Variants in DLGAP2 observed in about 807,000 individuals in gnomAD.
The protein encoded by DLGAP2 is disks large-associated protein 2.
DLGAP2 carries 26 observed loss-of-function variants against 100.3 expected under a neutral mutation model. The observed-to-expected ratio is 0.26, with a 90% CI of 0.19 to 0.36. DLGAP2 has a LOEUF of 0.36. Among genes scored for constraint, DLGAP2 ranks in the 10% least tolerant of loss-of-function variants. The pLI, the probability that DLGAP2 is intolerant of heterozygous loss-of-function variation, is 1.00. For synonymous variants in DLGAP2, 886 were observed against 630.1 expected (o/e 1.41, Z -6.08); for missense variants, 1,858 against 1,453.2 (o/e 1.28, Z -4.53).
intron 2 of DLGAP2, among the ~76,000 whole-genome samples, chr8:1,231,666 C>A (rs753649385): frequency 6.0e-4 from 92 of 152,164 alleles, no homozygotes; most frequent in Non-Finnish European, 2.4e-4. Flanking sequence ...AGAATGAAAT[C>A]GTGTTCTTTG....
At chr8:856,487 A>T (rs147253625) in intron 1 of DLGAP2, among the ~76,000 whole-genome samples, 105 of 152,292 alleles carry the variant, frequency 6.9e-4, no homozygotes, top group African/African-American at 2.5e-3. Flanking sequence ...GGCACCCAGC[A>T]GTGGAAAAAT....
chr8:996,422 C>T (rs1363491365), intron 2 of DLGAP2, among the ~76,000 whole-genome samples: 1 of 152,068 alleles, frequency 6.6e-6, no homozygotes, highest in Non-Finnish European at 1.5e-5. Context: ...GTGCTTTGAG[C>T]AAAGCAAAGG....
rs1304103952 is a variant in DLGAP2, at chr8:1,237,515, T to C, written c.74-21336T>C. Among the ~76,000 whole-genome samples the C allele has an allele frequency of 1.5e-3, 139 of 92,830 alleles. 1 individual carries two copies. In the East Asian group the frequency reaches 0.017, roughly 11 times the overall value. 60.9% of individuals were successfully genotyped at this position (92,830 alleles called of 152,430 possible). A position where few individuals can be genotyped will look rare whatever the true frequency, so the allele number is the denominator to read the frequency against. On this transcript the variant is annotated intron_variant, in intron 2 of 14. Coordinates refer to ENST00000637795, the MANE Select transcript of DLGAP2 (RefSeq NM_001346810.2). ...CACACATAGCGTCATGTCTAGTTGT[T>C]TCTCACACAGAGCATCGTGTCTAGT...
chr8:1,108,862 CG>C, intron 2 of DLGAP2, among the ~76,000 whole-genome samples: 1 of 103,360 alleles, frequency 9.7e-6, no homozygotes, highest in South Asian at 3.6e-4. Flanking sequence ...GAGGTGTGCA[CG>C]GGTCTGTGAG....
At chr8:1,487,066 G>C (rs900196855) in intron 3 of DLGAP2, among the ~76,000 whole-genome samples, 1 of 152,176 alleles carries the variant, frequency 6.6e-6, no homozygotes, top group Non-Finnish European at 1.5e-5. Flanking sequence ...TCTAGAATCC[G>C]AGGCTTTAAA....
intron 3 of DLGAP2, among the ~76,000 whole-genome samples, chr8:1,428,601 G>A (rs1797304468): frequency 6.6e-6 from 1 of 152,202 alleles, no homozygotes; most frequent in Admixed American, 6.5e-5. Context: ...TAAGACATTA[G>A]ACATTTACAG....
intron 8 of DLGAP2, among the ~76,000 whole-genome samples, chr8:1,653,951 G>A (rs1798224812): frequency 6.6e-6 from 1 of 152,098 alleles, no homozygotes; most frequent in Non-Finnish European, 1.5e-5. Flanking sequence ...TTTAATTGAA[G>A]GTCACTTCCT....
chr8:1,641,893 T>G (rs1333554841), intron 8 of DLGAP2, among the ~76,000 whole-genome samples: 2 of 129,892 alleles, frequency 1.5e-5, no homozygotes, highest in African/African-American at 6.1e-5. Flanking sequence ...GGTCCTCACC[T>G]GTGTCACCCT....
chr8:1,590,094 C>T (rs1022079455), intron 6 of DLGAP2, among the ~76,000 whole-genome samples: 3 of 152,184 alleles, frequency 2.0e-5, no homozygotes, highest in African/African-American at 7.2e-5. Context: ...TCACTCCACC[C>T]TCGGCCTCTG....
intron 4 of DLGAP2, among the ~76,000 whole-genome samples, chr8:1,535,532 G>T (rs896131432): frequency 6.6e-6 from 1 of 152,212 alleles, no homozygotes; most frequent in Non-Finnish European, 1.5e-5. Context: ...CAAGCGGTCA[G>T]ATGGGCATGC....
intron 1 of DLGAP2, among the ~76,000 whole-genome samples, chr8:778,426 T>G (rs911181769): frequency 6.6e-6 from 1 of 152,232 alleles, no homozygotes; most frequent in Non-Finnish European, 1.5e-5. Flanking sequence ...GGCGCTCTGC[T>G]TTTTAGAGTT....
chr8:972,263 A>T lies in DLGAP2; in HGVS notation c.73+64297A>T, dbSNP rs142256063. On this transcript the variant is annotated intron_variant, in intron 2 of 14. Coordinates refer to ENST00000637795, the MANE Select transcript of DLGAP2 (RefSeq NM_001346810.2). ...ATCCATCATGCAACGAAAAACCTAC[A>T]AGGCATGCGGAAAGGAAGAAATGAA... Among the ~76,000 whole-genome samples, 197 of 152,330 alleles carry T rather than the reference A, an allele frequency of 1.3e-3. 1 individual carries two copies. The highest frequency in any genetic ancestry group is 4.6e-3 in the African/African-American group (190 of 41,576).
At chr8:1,604,592 G>A (rs1404967025) in intron 6 of DLGAP2, 1 of 152,248 alleles carries the variant, frequency 6.6e-6, no homozygotes, top group Non-Finnish European at 1.5e-5. Context: ...AAGCACACAG[G>A]AGACCGTGAT....
intron 4 of DLGAP2, among the ~76,000 whole-genome samples, chr8:1,545,433 C>T (rs1801501492): frequency 6.6e-6 from 1 of 152,088 alleles, no homozygotes; most frequent in African/African-American, 2.4e-5. Context: ...GATGGTTGTA[C>T]GTTCATGAAT....
chr8:1,187,747 C>T (rs1248081378), intron 2 of DLGAP2, among the ~76,000 whole-genome samples: 10 of 141,528 alleles, frequency 7.1e-5, no homozygotes, highest in East Asian at 4.3e-4. Context: ...ACTTCCGTGA[C>T]GTTTCCCTCA....
rs1799830608 is a variant in DLGAP2, at chr8:1,504,411, A to T, written c.172+2980A>T. Among the ~76,000 whole-genome samples the T allele has an allele frequency of 8.5e-5, 13 of 152,318 alleles. No individual in the cohort carries two copies. In the South Asian group the frequency reaches 2.7e-3, roughly 32 times the overall value. On this transcript the variant is annotated intron_variant, in intron 4 of 14. Coordinates refer to ENST00000637795, the MANE Select transcript of DLGAP2 (RefSeq NM_001346810.2). ...TTATCATCACCTTGTGCTTTTAAGA[A>T]CATTTAAGATCTCATCTCTTAGCAG...
intron 1 of DLGAP2, among the ~76,000 whole-genome samples, chr8:768,902 C>T (rs899688471): frequency 5.9e-5 from 9 of 152,138 alleles, no homozygotes; most frequent in Admixed American, 2.0e-4. Context: ...CTGTGTGGGG[C>T]TGAGGACGCT....
chr8:742,230 C>T (rs764296083), intron 1 of DLGAP2, among the ~76,000 whole-genome samples: 5 of 152,186 alleles, frequency 3.3e-5, no homozygotes, highest in Admixed American at 6.5e-5. Flanking sequence ...TATGGTACAT[C>T]GTGTGTATCG....
intron 2 of DLGAP2, among the ~76,000 whole-genome samples, chr8:1,039,057 T>C (rs1802216815): frequency 6.6e-6 from 1 of 152,218 alleles, no homozygotes. Context: ...TCAGCCCCAC[T>C]TTCCTCCTTT....
Sources: gnomAD v4.1 joint callset for allele counts (sites outside exome capture counted in the v4.1 genomes callset) on GRCh38, gnomAD v4.1.1 for gene constraint, MANE v1.5 for transcripts, NCBI Gene and HGNC (gene_info 2026-07-23, HGNC 2026-07-21) for gene names.